The following MTR variants were observed in gnomAD, a reference collection of about 807,000 sequenced individuals.
The protein encoded by MTR is 5-methyltetrahydrofolate-homocysteine methyltransferase.
MTR carries 84 observed loss-of-function variants against 154.8 expected under a neutral mutation model. That is an observed-to-expected ratio of 0.54 (90% CI 0.45 to 0.65). MTR has a LOEUF of 0.65. MTR is among the 30% of genes least tolerant of loss of function. The probability of loss-of-function intolerance (pLI) is 0.00; values close to 1 mark genes in which losing one functional copy is unlikely to be tolerated. For synonymous variants in MTR, 554 were observed against 553.9 expected (o/e 1.00, Z 0.00); for missense variants, 1,275 against 1,570.2 (o/e 0.81, Z 3.18).
chr1:236,833,344 A>G (rs1455154713), intron 13 of MTR, among the ~76,000 whole-genome samples: 2 of 152,224 alleles, frequency 1.3e-5, no homozygotes, highest in African/African-American at 4.8e-5. Flanking sequence ...AAGTAATAAT[A>G]TCTATCATTT....
intron 22 of MTR, among the ~76,000 whole-genome samples, chr1:236,868,987 C>T (rs1336526232): frequency 6.6e-6 from 1 of 152,224 alleles, no homozygotes; most frequent in Non-Finnish European, 1.5e-5. Flanking sequence ...ACAGACCCCA[C>T]TGGCACTACT....
chr1:236,820,160 G>A (rs752006950), intron 8 of MTR: 2 of 764,158 alleles, frequency 2.6e-6, no homozygotes, highest in African/African-American at 1.7e-5. Context: ...TTGATGTGGT[G>A]GATGCTGGCC....
At chr1:236,826,725 G>A (rs1179897328) in intron 10 of MTR, 104 bp from the exon 11 acceptor site, 2 of 860,264 alleles carry the variant, frequency 2.3e-6, no homozygotes, top group Non-Finnish European at 4.0e-6. Flanking sequence ...TTTTAGTATA[G>A]TCTTAGTTAT....
chr1:236,796,100 A>G (rs1347320391), intron 1 of MTR, among the ~76,000 whole-genome samples: 1 of 152,182 alleles, frequency 6.6e-6, no homozygotes, highest in African/African-American at 2.4e-5. Flanking sequence ...CTTATTCGTA[A>G]ATATGTATTG....
At chr1:236,809,613 G>C (rs1433625663) in intron 4 of MTR, among the ~76,000 whole-genome samples, 1 of 152,222 alleles carries the variant, frequency 6.6e-6, no homozygotes, top group Non-Finnish European at 1.5e-5. Flanking sequence ...ACCAGCTAAA[G>C]CAGGGAGAGA....
chr1:236,842,826 C>T (rs968744334), intron 15 of MTR, among the ~76,000 whole-genome samples: 5 of 150,308 alleles, frequency 3.3e-5, no homozygotes, highest in African/African-American at 1.2e-4. Flanking sequence ...TGGCTCACAC[C>T]TGTAATCCCA....
chr1:236,832,189 A>G (rs1448882312), intron 13 of MTR, 111 bp downstream of exon 13: 3 of 906,710 alleles, frequency 3.3e-6, no homozygotes, highest in South Asian at 1.4e-5. Flanking sequence ...GCTGCTAGAA[A>G]GTGTGAGAAG....
At chr1:236,818,298 A>T (rs1416003359) in intron 8 of MTR, among the ~76,000 whole-genome samples, 2 of 151,966 alleles carry the variant, frequency 1.3e-5, no homozygotes, top group African/African-American at 2.4e-5. Context: ...CACCAGTGTG[A>T]GATCTTAATA....
Position 236,862,333 on chromosome 1 carries a change from T to A in MTR, c.2294T>A (p.Val765Glu). ...REETRVLNGT[V>E]EEEDPYQGTI... ...GAAACCAGAGTGCTTAACGGCACAG[T>A]AGAAGAAGAGGCAAGTCATTTTGTT... The change falls in exon 21 of 33, where the codon GTA becomes GAA. Residue 765 changes from valine (V) to glutamate (E), a missense_variant. Transcript: ENST00000366577. 1 of 1,613,232 alleles carries A rather than the reference T, an allele frequency of 6.2e-7. No homozygotes were observed. Among genetic ancestry groups the A allele is most frequent in the Non-Finnish European group, 8.5e-7 (1 of 1,179,256 alleles).
At chr1:236,877,757 T>G (rs1340752097) in intron 24 of MTR, among the ~76,000 whole-genome samples, 4 of 152,214 alleles carry the variant, frequency 2.6e-5, no homozygotes, top group Admixed American at 2.6e-4. Context: ...AGAAGCAGAA[T>G]TGCCAGATCA....
chr1:236,812,702 A>T (rs758599872), intron 5 of MTR, 36 bp from the exon 6 acceptor site: 1 of 1,555,378 alleles, frequency 6.4e-7, no homozygotes, highest in Admixed American at 1.7e-5. Context: ...GAGGATATTG[A>T]TGACTGATGT....
intron 13 of MTR, among the ~76,000 whole-genome samples, chr1:236,834,171 GACTT>G (rs1350538030): frequency 6.6e-6 from 1 of 151,898 alleles, no homozygotes; most frequent in African/African-American, 2.4e-5. Flanking sequence ...TTGATTTACT[GACTT>G]AATTAATTGA....
chr1:236,803,407 A>T, intron 1 of MTR, 21 bp from the exon 2 acceptor site: 1 of 1,611,758 alleles, frequency 6.2e-7, no homozygotes, highest in African/African-American at 1.3e-5. Flanking sequence ...CTTTGAAGTC[A>T]AACTTTCACT....
intron 25 of MTR, 60 bp from the exon 26 acceptor site, chr1:236,885,061 G>T: frequency 9.6e-7 from 1 of 1,038,894 alleles, no homozygotes; most frequent in South Asian, 1.3e-5. Flanking sequence ...TATCAGCATT[G>T]ACCATTACTA....
At chr1:236,822,284 G>A (rs1464723938) in intron 8 of MTR, among the ~76,000 whole-genome samples, 4 of 147,474 alleles carry the variant, frequency 2.7e-5, no homozygotes, top group Non-Finnish European at 6.0e-5. Context: ...TTTGGTGCTA[G>A]TGTAAATGGT....
intron 18 of MTR, among the ~76,000 whole-genome samples, chr1:236,856,629 C>CATCA (rs1664222150): frequency 6.6e-6 from 1 of 151,846 alleles, no homozygotes; most frequent in African/African-American, 2.4e-5. Context: ...TTTGCTGCAC[C>CATCA]ATCACCCCAT....
chr1:236,895,634 G>T (rs1365986026), intron 31 of MTR, 84 bp downstream of exon 31: 21 of 1,418,368 alleles, frequency 1.5e-5, no homozygotes, highest in Non-Finnish European at 1.9e-5. Context: ...GGTTAAACAT[G>T]TTTTTAAAAT....
At chr1:236,886,463 C>A in intron 27 of MTR, 96 bp downstream of exon 27, 1 of 1,076,376 alleles carries the variant, frequency 9.3e-7, no homozygotes, top group Non-Finnish European at 1.4e-6. Context: ...ATCAAACCAG[C>A]AGCTAACGAC....
intron 1 of MTR, chr1:236,800,215 A>G (rs1660630578): frequency 1.0e-6 from 1 of 985,316 alleles, no homozygotes; most frequent in Admixed American, 6.1e-5. Context: ...ATAATAGGAT[A>G]TTGATTGATA....
Sources: gnomAD v4.1 joint callset for allele counts (sites outside exome capture counted in the v4.1 genomes callset) on GRCh38, gnomAD v4.1.1 for gene constraint, MANE v1.5 for transcripts, NCBI Gene and HGNC (gene_info 2026-07-23, HGNC 2026-07-21) for gene names.